Variants in LEKR1 observed in about 807,000 individuals in gnomAD.
LEKR1 encodes the protein leucine, glutamate and lysine rich 1, also known as protein LEKR1.
Under a neutral mutation model 72.4 loss-of-function variants are expected in LEKR1, and 59 were observed. The ratio of observed to expected loss-of-function variants is 0.82; its 90% confidence interval spans 0.66 to 1.01. LEKR1 has a LOEUF of 1.01. LEKR1 is among the 50% of genes least tolerant of loss of function. The pLI is 0.00. For synonymous variants in LEKR1, 257 were observed against 263.2 expected, an observed-to-expected ratio of 0.98 and a Z score of 0.23; for missense variants, 728 against 759.2, an observed-to-expected ratio of 0.96 and a Z score of 0.48.
At chr3:156,990,999 G>C (rs552955680) in intron 7 of LEKR1, among the ~76,000 whole-genome samples, 1 of 152,252 alleles carries the variant, frequency 6.6e-6, no homozygotes, top group African/African-American at 2.4e-5. Flanking sequence ...TTAAAGATGT[G>C]CAGTGTATTA....
intron 12 of LEKR1, among the ~76,000 whole-genome samples, chr3:157,030,191 T>C (rs1485314815): frequency 6.6e-6 from 1 of 152,126 alleles, no homozygotes; most frequent in African/African-American, 2.4e-5. Context: ...AAATCTCGCA[T>C]GAACTAACAC....
intron 3 of LEKR1, among the ~76,000 whole-genome samples, chr3:156,857,065 T>A (rs1716151507): frequency 6.6e-6 from 1 of 152,154 alleles, no homozygotes; most frequent in South Asian, 2.1e-4. Context: ...AAGATACCTT[T>A]TATCAATTTA....
chr3:156,912,106 G>A (rs1165168380), intron 3 of LEKR1, among the ~76,000 whole-genome samples: 1 of 151,774 alleles, frequency 6.6e-6, no homozygotes, highest in Non-Finnish European at 1.5e-5. Context: ...TTTCTCTGGA[G>A]CCTAGAGTAT....
At chr3:156,929,056 AT>A (rs1019292408) in intron 5 of LEKR1, among the ~76,000 whole-genome samples, 13 of 152,074 alleles carry the variant, frequency 8.5e-5, no homozygotes, top group African/African-American at 3.1e-4. Flanking sequence ...ATAAAGGAAA[AT>A]ATACTAGTAA....
chr3:157,009,193 G>T lies in LEKR1; in HGVS notation c.1110-2220G>T, dbSNP rs144651872. Among the ~76,000 whole-genome samples, 223 of 152,050 alleles carry T rather than the reference G, an allele frequency of 1.5e-3. 2 individuals are homozygous for T. The East Asian group carries it at 0.019, about 13-fold the overall frequency. On this transcript the variant is annotated intron_variant, in intron 9 of 12. Transcript: ENST00000356539. ...TAAAATGCTTAGTTGCCACATTAAA[G>T]AATAAAAATAAGTAAAATCAATTTT...
At chr3:156,867,048 A>G (rs1717390021) in intron 3 of LEKR1, among the ~76,000 whole-genome samples, 1 of 152,096 alleles carries the variant, frequency 6.6e-6, no homozygotes, top group South Asian at 2.1e-4. Context: ...ATTTAAAGAG[A>G]TACATAAACA....
At chr3:156,873,034 G>A (rs1718139131) in intron 3 of LEKR1, among the ~76,000 whole-genome samples, 1 of 152,028 alleles carries the variant, frequency 6.6e-6, no homozygotes, top group South Asian at 2.1e-4. Context: ...GGGTGTTGAA[G>A]TCCTCAGTAA....
intron 3 of LEKR1, among the ~76,000 whole-genome samples, chr3:156,882,312 A>T (rs1560049172): frequency 6.6e-6 from 1 of 151,026 alleles, no homozygotes; most frequent in African/African-American, 2.4e-5. Flanking sequence ...CAAGAAAAAA[A>T]CAAACAACCC....
At chr3:156,967,848 G>A (rs1038084537) in intron 6 of LEKR1, among the ~76,000 whole-genome samples, 2 of 152,040 alleles carry the variant, frequency 1.3e-5, no homozygotes, top group Non-Finnish European at 2.9e-5. Flanking sequence ...TTGAAATGAA[G>A]GAAAAAATGT....
intron 5 of LEKR1, among the ~76,000 whole-genome samples, chr3:156,941,235 A>G (rs1318634141): frequency 6.6e-6 from 1 of 152,106 alleles, no homozygotes; most frequent in African/African-American, 2.4e-5. Context: ...CATTTTGAGC[A>G]GAAACTAAAC....
At chr3:156,893,084 T>C (rs1720821633) in intron 3 of LEKR1, among the ~76,000 whole-genome samples, 1 of 152,224 alleles carries the variant, frequency 6.6e-6, no homozygotes, top group Non-Finnish European at 1.5e-5. Flanking sequence ...GCCTTGGCTG[T>C]CAAGGGAGGC....
At chr3:157,007,994 G>A (rs1341378976) in intron 9 of LEKR1, among the ~76,000 whole-genome samples, 1 of 152,296 alleles carries the variant, frequency 6.6e-6, no homozygotes, top group Middle Eastern at 3.4e-3. Context: ...AAGGAGACAG[G>A]AATGGCCAGA....
chr3:157,040,089 G>T (rs1735242367), intron 12 of LEKR1, among the ~76,000 whole-genome samples: 1 of 152,098 alleles, frequency 6.6e-6, no homozygotes, highest in African/African-American at 2.4e-5. Context: ...GCAGAAGGGG[G>T]CTCAGACTGG....
intron 5 of LEKR1, among the ~76,000 whole-genome samples, chr3:156,941,875 A>G (rs1159427919): frequency 1.3e-5 from 2 of 152,102 alleles, no homozygotes; most frequent in Non-Finnish European, 2.9e-5. Context: ...AATTGTATAA[A>G]ATTAGCATAT....
At chr3:157,016,599 A>G (rs531878616) in intron 10 of LEKR1, among the ~76,000 whole-genome samples, 1 of 151,864 alleles carries the variant, frequency 6.6e-6, no homozygotes, top group South Asian at 2.1e-4. Flanking sequence ...CTTTAGTCAG[A>G]AGGAAAGCTA....
intron 5 of LEKR1, among the ~76,000 whole-genome samples, chr3:156,942,308 G>A (rs1020125483): frequency 1.3e-5 from 2 of 151,940 alleles, no homozygotes; most frequent in Admixed American, 6.6e-5. Context: ...AAAAAATACT[G>A]TTAAAAGATT....
intron 3 of LEKR1, chr3:156,853,364 G>T (rs1560026371): frequency 6.5e-6 from 1 of 153,396 alleles, no homozygotes; most frequent in African/African-American, 2.4e-5. Flanking sequence ...GTAGAATAAG[G>T]CTTTCATGTT....
intron 3 of LEKR1, among the ~76,000 whole-genome samples, chr3:156,907,876 C>T (rs905087155): frequency 1.3e-5 from 2 of 151,928 alleles, no homozygotes; most frequent in Non-Finnish European, 2.9e-5. Flanking sequence ...CCTGGAATTC[C>T]ACATTGCAGT....
intron 5 of LEKR1, among the ~76,000 whole-genome samples, chr3:156,929,893 A>G (rs1322561535): frequency 6.6e-6 from 1 of 152,168 alleles, no homozygotes; most frequent in African/African-American, 2.4e-5. Flanking sequence ...AATATTTTCC[A>G]TAGTTATTTG....
Sources: gnomAD v4.1 joint callset for allele counts (sites outside exome capture counted in the v4.1 genomes callset) on GRCh38, gnomAD v4.1.1 for gene constraint, MANE v1.5 for transcripts, NCBI Gene and HGNC (gene_info 2026-07-23, HGNC 2026-07-21) for gene names.